Variants in GSAP observed in about 807,000 individuals in gnomAD.
The protein encoded by GSAP is gamma-secretase-activating protein.
In GSAP, 118 loss-of-function variants were observed where a neutral mutation model predicts 131.7. The observed-to-expected ratio is 0.90, with a 90% CI of 0.77 to 1.04. The LOEUF is 1.04. Ranked by LOEUF, GSAP falls within the 50% of genes least tolerant of loss-of-function variation. The pLI is 0.00. For synonymous variants in GSAP, 381 were observed against 363.4 expected (o/e 1.05, Z -0.55); for missense variants, 1,019 against 1,013.2 (o/e 1.01, Z -0.08).
At chr7:77,415,807 G>C (rs1251515610) in intron 1 of GSAP, 1 of 177,410 alleles carries the variant, frequency 5.6e-6, no homozygotes, top group Non-Finnish European at 1.2e-5. Flanking sequence ...AAGCTTCCAG[G>C]AGCACTCCTG....
chr7:77,416,012 G>C (rs1177602232), intron 1 of GSAP: 1 of 444,110 alleles, frequency 2.3e-6, no homozygotes, highest in East Asian at 3.6e-5. Flanking sequence ...ACCTGGCCCG[G>C]GCTCTGCCCC....
chr7:77,369,699 A>G (rs1289434920), intron 12 of GSAP, among the ~76,000 whole-genome samples: 1 of 152,236 alleles, frequency 6.6e-6, no homozygotes, highest in African/African-American at 2.4e-5. Flanking sequence ...TTTCTGCTAT[A>G]GAGGGAGTCA....
At chr7:77,404,474 G>A in intron 3 of GSAP, 85 bp downstream of exon 3, 1 of 738,966 alleles carries the variant, frequency 1.4e-6, no homozygotes, top group Non-Finnish European at 2.4e-6. Context: ...AGAAAATAAA[G>A]TTGGAATTTA....
intron 1 of GSAP, among the ~76,000 whole-genome samples, chr7:77,414,843 A>AATTTTTTT (rs1563154507): frequency 1.7e-5 from 1 of 58,404 alleles, no homozygotes; most frequent in Non-Finnish European, 3.4e-5. Context: ...CATGTGGGCG[A>AATTTTTTT]CTTTTTTTTT....
In GSAP at chr7:77,320,879, G is replaced by A; in HGVS notation, c.1995-60C>T. Reference sequence around the variant, plus strand: ...GGAGCTCATCTGTGATGCTCCATTTGTCCTAAGCAGTGGCTTTGAGTACTA... The same window carrying A: ...GGAGCTCATCTGTGATGCTCCATTTATCCTAAGCAGTGGCTTTGAGTACTA... On this transcript the variant is annotated intron_variant, in intron 25 of 30. Coordinates refer to ENST00000257626, the MANE Select transcript of GSAP (RefSeq NM_017439.4). 2.0e-6 allele frequency: 2 copies of A among 1,009,064 alleles called. 1 individual carries two copies. Among genetic ancestry groups the A allele is most frequent in the South Asian group, 2.6e-5 (2 of 77,404 alleles). 62.5% of individuals were successfully genotyped at this position (1,009,064 alleles called of 1,614,324 possible).
At chr7:77,381,400 T>C (rs773366410) in intron 7 of GSAP, 46 bp from the exon 8 acceptor site, 4 of 974,662 alleles carry the variant, frequency 4.1e-6, no homozygotes, top group East Asian at 2.6e-5. Context: ...TAAGGAAATA[T>C]ATGAGTACTA....
intron 27 of GSAP, 115 bp downstream of exon 27, chr7:77,314,255 C>T (rs2150582766): frequency 1.0e-6 from 1 of 993,832 alleles, no homozygotes; most frequent in Non-Finnish European, 1.5e-6. Context: ...CTGAGCAGGG[C>T]ACTCTTCTGA....
intron 12 of GSAP, among the ~76,000 whole-genome samples, chr7:77,371,570 G>A (rs368639427): frequency 6.6e-6 from 1 of 151,886 alleles, no homozygotes. Context: ...GAGTAGCTGG[G>A]ACTACAGGCA....
chr7:77,367,245 T>C (rs983230433), intron 12 of GSAP, among the ~76,000 whole-genome samples: 2 of 152,184 alleles, frequency 1.3e-5, no homozygotes, highest in Admixed American at 1.3e-4. Context: ...TCCAATACCA[T>C]GTTGGATAGG....
At chr7:77,371,912 T>C (rs1441732905) in intron 12 of GSAP, among the ~76,000 whole-genome samples, 1 of 152,242 alleles carries the variant, frequency 6.6e-6, no homozygotes, top group Non-Finnish European at 1.5e-5. Flanking sequence ...AAATTACTAA[T>C]TCAGAGGTTA....
intron 5 of GSAP, among the ~76,000 whole-genome samples, chr7:77,390,946 TAAAAAAAAAAAAAA>T (rs71085453): frequency 1.4e-3 from 53 of 37,938 alleles, no homozygotes; most frequent in African/African-American, 4.2e-3. Flanking sequence ...AGACTCCGTC[TAAAAAAAAAAAAAA>T]AAAAAAAAAA....
intron 7 of GSAP, among the ~76,000 whole-genome samples, chr7:77,382,034 G>A (rs180820204): frequency 2.3e-3 from 348 of 148,976 alleles, no homozygotes; most frequent in Non-Finnish European, 4.1e-3. Flanking sequence ...TACTAGATAA[G>A]CTCCACCAGT....
At chr7:77,346,087 T>C (rs1459593568) in intron 19 of GSAP, among the ~76,000 whole-genome samples, 2 of 151,206 alleles carry the variant, frequency 1.3e-5, no homozygotes, top group African/African-American at 2.4e-5. Flanking sequence ...CTGACCAACA[T>C]GGTGAAACCC....
chr7:77,314,680 A>G (rs1794779868), intron 26 of GSAP, 191 bp from the exon 27 acceptor site: 2 of 547,186 alleles, frequency 3.7e-6, no homozygotes, highest in South Asian at 4.1e-5. Context: ...CTGGGTCTAT[A>G]GTAAGTTTCC....
chr7:77,316,914 A>G (rs1299875090), intron 26 of GSAP, among the ~76,000 whole-genome samples: 1 of 152,172 alleles, frequency 6.6e-6, no homozygotes, highest in East Asian at 1.9e-4. Flanking sequence ...CCTAGCTCTA[A>G]ACCCTGACTT....
At chr7:77,330,134 G>C in intron 20 of GSAP, 105 bp downstream of exon 20, 3 of 1,309,060 alleles carry the variant, frequency 2.3e-6, no homozygotes, top group Non-Finnish European at 3.1e-6. Flanking sequence ...CTGGCAATTG[G>C]GAAGAGTGCT....
chr7:77,355,185 C>G, intron 16 of GSAP, 28 bp downstream of exon 16: 1 of 1,414,118 alleles, frequency 7.1e-7, no homozygotes, highest in Non-Finnish European at 1.0e-6. Flanking sequence ...TCTATCTGCC[C>G]ATTTTAAAAC....
At chr7:77,357,706 G>A (rs939086801) in intron 14 of GSAP, among the ~76,000 whole-genome samples, 6 of 152,144 alleles carry the variant, frequency 3.9e-5, no homozygotes, top group Admixed American at 1.3e-4. Flanking sequence ...GCCATCCTGG[G>A]CTGTGGGTTG....
At chr7:77,395,525 G>A (rs1800225572) in intron 5 of GSAP, among the ~76,000 whole-genome samples, 2 of 152,196 alleles carry the variant, frequency 1.3e-5, no homozygotes, top group Admixed American at 1.3e-4. Flanking sequence ...AGTGCTGACA[G>A]TACTGGGAAA....
Sources: allele counts gnomAD v4.1 joint callset (sites outside exome capture counted in the v4.1 genomes callset), GRCh38; gene constraint gnomAD v4.1.1; transcripts MANE v1.5; gene names NCBI Gene and HGNC (gene_info 2026-07-23, HGNC 2026-07-21).